Variants in TUSC3 observed in about 807,000 individuals in gnomAD.
The protein encoded by TUSC3 is dolichyl-diphosphooligosaccharide--protein glycosyltransferase subunit TUSC3.
TUSC3 carries 45 observed loss-of-function variants against 44.8 expected under a neutral mutation model. That is an observed-to-expected ratio of 1.00 (90% CI 0.79 to 1.29). TUSC3 has a LOEUF of 1.29. Ranked by LOEUF, TUSC3 falls within the 50% of genes most tolerant of loss-of-function variation. The pLI, the probability that TUSC3 is intolerant of heterozygous loss-of-function variation, is 0.00. For synonymous variants in TUSC3, 212 were observed against 152.9 expected, an observed-to-expected ratio of 1.39 and a Z score of -2.85; for missense variants, 519 against 437.9, an observed-to-expected ratio of 1.19 and a Z score of -1.65.
At chr8:15,738,877 G>T (rs1423757359) in intron 7 of TUSC3, among the ~76,000 whole-genome samples, 1 of 123,316 alleles carries the variant, frequency 8.1e-6, no homozygotes, top group African/African-American at 3.2e-5. Context: ...CTGTTGCCCA[G>T]GCTGGAGTGC....
At chr8:15,723,893 G>C (rs1810399523) in intron 6 of TUSC3, among the ~76,000 whole-genome samples, 1 of 152,122 alleles carries the variant, frequency 6.6e-6, no homozygotes, top group South Asian at 2.1e-4. Context: ...CCCACTAGCT[G>C]ATAGGTTTTG....
At chr8:15,579,241 A>G (rs1251968347) in intron 1 of TUSC3, among the ~76,000 whole-genome samples, 1 of 139,780 alleles carries the variant, frequency 7.2e-6, no homozygotes, top group Non-Finnish European at 1.6e-5. Flanking sequence ...TGGTCTATCA[A>G]TTTTGTTGAT....
the TUSC3 span, chr8:15,806,695 A>G: frequency 2.2e-6 from 2 of 920,332 alleles, no homozygotes; most frequent in Non-Finnish European, 3.5e-6. Context: ...TACATTTGTA[A>G]TCAAAATCCC....
intron 2 of TUSC3, among the ~76,000 whole-genome samples, chr8:15,634,071 C>G (rs1386172851): frequency 6.6e-6 from 1 of 152,186 alleles, no homozygotes; most frequent in African/African-American, 2.4e-5. Flanking sequence ...TTGAAGGTCT[C>G]TTACAACCCA....
chr8:15,571,523 T>C (rs1802878055), intron 1 of TUSC3, among the ~76,000 whole-genome samples: 1 of 152,190 alleles, frequency 6.6e-6, no homozygotes, highest in Admixed American at 6.5e-5. Flanking sequence ...CTTCTGAGCC[T>C]TCAGTGAGTT....
intron 2 of TUSC3, among the ~76,000 whole-genome samples, chr8:15,526,065 C>G (rs944431168): frequency 2.0e-5 from 3 of 151,850 alleles, no homozygotes; most frequent in African/African-American, 7.3e-5. Flanking sequence ...CAGGGTCTCC[C>G]TTTGTCGTCC....
chr8:15,812,021 T>C, the TUSC3 span, among the ~76,000 whole-genome samples: 2 of 152,354 alleles, frequency 1.3e-5, no homozygotes, highest in South Asian at 2.1e-4. Flanking sequence ...TAATCTGCAT[T>C]CCTTTTATTC....
intron 2 of TUSC3, among the ~76,000 whole-genome samples, chr8:15,533,463 A>G (rs995210079): frequency 2.0e-5 from 3 of 152,206 alleles, no homozygotes; most frequent in African/African-American, 7.2e-5. Flanking sequence ...AAGATAGACT[A>G]TCAATTTATA....
intron 5 of TUSC3, among the ~76,000 whole-genome samples, chr8:15,672,241 G>A (rs1563165128): frequency 1.3e-5 from 2 of 151,994 alleles, no homozygotes; most frequent in Non-Finnish European, 1.5e-5. Flanking sequence ...TATTTATTGA[G>A]CTTGTGTATT....
intron 6 of TUSC3, among the ~76,000 whole-genome samples, chr8:15,728,965 G>T (rs1338164973): frequency 6.6e-6 from 1 of 152,090 alleles, no homozygotes; most frequent in Non-Finnish European, 1.5e-5. Flanking sequence ...ATTAAGGCCA[G>T]GAACATTGAG....
Position 15,739,649 on chromosome 8 carries a change from T to C in TUSC3, c.863-3889T>C, listed in dbSNP as rs536675923. ...AATTTTGTGAGTTATTGCAAACTTA[T>C]TTGTAAAATCTGGAATATGTTTATG... On this transcript the variant is annotated intron_variant, in intron 7 of 10. Transcript: ENST00000503731. Among the ~76,000 whole-genome samples the C allele has an allele frequency of 3.3e-5, 5 of 152,352 alleles. No individual in the cohort carries two copies. The East Asian group carries it at 9.6e-4, about 29-fold the overall frequency.
chr8:15,559,237 T>G (rs1345880194), intron 1 of TUSC3, among the ~76,000 whole-genome samples: 1 of 141,964 alleles, frequency 7.0e-6, no homozygotes, highest in African/African-American at 2.6e-5. Context: ...AACATCTTTA[T>G]TTCTGCCTTC....
chr8:15,525,210 C>T (rs6987606), intron 2 of TUSC3, among the ~76,000 whole-genome samples: 7 of 152,322 alleles, frequency 4.6e-5, no homozygotes, highest in African/African-American at 1.7e-4. Context: ...TCTCTATCCC[C>T]TTCTTTTCCT....
Position 15,573,200 on chromosome 8 carries a change from CTCTATATA to C in TUSC3, c.138+32634_138+32641del, listed in dbSNP as rs1316628766. 5.6e-3 allele frequency among the ~76,000 whole-genome samples: 558 copies of C among 99,514 alleles called. 1 individual carries two copies. The highest frequency in any genetic ancestry group is 8.0e-3 in the Non-Finnish European group (417 of 51,870). 65.3% of individuals were successfully genotyped at this position (99,514 alleles called of 152,430 possible). A position where few individuals can be genotyped will look rare whatever the true frequency, so the allele number is the denominator to read the frequency against. On this transcript the variant is annotated intron_variant, in intron 1 of 10. Transcript: ENST00000503731. Reference sequence around the variant, plus strand: ...TCTCTCTCTCTCTCTCTCTCTCTCTCTCTATATATATATATATATATATATATATAAAA... The same window carrying C: ...TCTCTCTCTCTCTCTCTCTCTCTCTCTATATATATATATATATATATAAAA...
intron 2 of TUSC3, among the ~76,000 whole-genome samples, chr8:15,533,227 C>T (rs1042455171): frequency 2.0e-5 from 3 of 152,200 alleles, no homozygotes; most frequent in South Asian, 4.1e-4. Flanking sequence ...AACTGTAAGT[C>T]CATTAAACCT....
intron 1 of TUSC3, among the ~76,000 whole-genome samples, chr8:15,607,308 A>G (rs1430498237): frequency 6.6e-6 from 1 of 152,126 alleles, no homozygotes; most frequent in Non-Finnish European, 1.5e-5. Context: ...GATGGTAGAG[A>G]CAGTTCTAGG....
chr8:15,825,727 T>A, the TUSC3 span, among the ~76,000 whole-genome samples: 1 of 152,056 alleles, frequency 6.6e-6, no homozygotes, highest in East Asian at 1.9e-4. Context: ...TATATGCACA[T>A]TGAGATTACA....
At chr8:15,633,918 C>T (rs992559432) in intron 2 of TUSC3, among the ~76,000 whole-genome samples, 15 of 152,136 alleles carry the variant, frequency 9.9e-5, no homozygotes, top group Non-Finnish European at 1.8e-4. Flanking sequence ...GGATGATTCT[C>T]ACCATAAACA....
chr8:15,458,552 T>A (rs1038367436), intron 1 of TUSC3, among the ~76,000 whole-genome samples: 1 of 152,162 alleles, frequency 6.6e-6, no homozygotes, highest in Non-Finnish European at 1.5e-5. Flanking sequence ...GCTTATTTCA[T>A]TATTATAAAA....
Sources: allele counts gnomAD v4.1 joint callset (sites outside exome capture counted in the v4.1 genomes callset), GRCh38; gene constraint gnomAD v4.1.1; transcripts MANE v1.5; gene names NCBI Gene and HGNC (gene_info 2026-07-23, HGNC 2026-07-21).